The following THSD7A variants were observed in gnomAD, a reference collection of about 807,000 sequenced individuals.
The protein encoded by THSD7A is thrombospondin type 1 domain containing 7A, also known as thrombospondin type-1 domain-containing protein 7A.
THSD7A carries 96 observed loss-of-function variants against 231.3 expected under a neutral mutation model. The ratio of observed to expected loss-of-function variants is 0.41; its 90% confidence interval spans 0.35 to 0.49. THSD7A has a LOEUF of 0.49. Among genes scored for constraint, THSD7A ranks in the 20% least tolerant of loss-of-function variants. The pLI, the probability that THSD7A is intolerant of heterozygous loss-of-function variation, is 0.05. For missense variants in THSD7A, 2,290 were observed against 2,070.2 expected (o/e 1.11, Z -2.06); for synonymous variants, 940 against 743.3 (o/e 1.26, Z -4.30).
In THSD7A at chr7:11,776,131, T is replaced by C. The variant is rs189157264; in HGVS notation, c.190+55626A>G. 8.9e-4 allele frequency among the ~76,000 whole-genome samples: 136 copies of C among 152,312 alleles called. 1 individual carries two copies. The highest frequency in any genetic ancestry group is 1.4e-3 in the Non-Finnish European group (98 of 68,026). ...TGGCCCAAGGGAGATGCACTTTCAA[T>C]GAAGCAAACTAAAAATGATTTCCTG... On this transcript the variant is annotated intron_variant, in intron 1 of 27. Transcript: ENST00000423059.
intron 26 of THSD7A, 155 bp downstream of exon 26, chr7:11,378,915 A>T (rs1181450459): frequency 5.9e-6 from 4 of 678,514 alleles, no homozygotes; most frequent in Admixed American, 3.0e-5. Context: ...TAATGATAGT[A>T]AAAAATTGAA....
chr7:11,543,254 C>A, intron 4 of THSD7A, 137 bp from the exon 5 acceptor site: 2 of 653,126 alleles, frequency 3.1e-6, no homozygotes, highest in East Asian at 2.9e-5. Context: ...TGCTTCTCAG[C>A]CACATCCTGA....
chr7:11,723,118 C>A (rs1781416897), intron 1 of THSD7A, among the ~76,000 whole-genome samples: 1 of 151,946 alleles, frequency 6.6e-6, no homozygotes, highest in Non-Finnish European at 1.5e-5. Context: ...AAATGTGGCA[C>A]ATATACACCA....
At chr7:11,775,232 T>A (rs1388497126) in intron 1 of THSD7A, among the ~76,000 whole-genome samples, 1 of 152,168 alleles carries the variant, frequency 6.6e-6, no homozygotes. Flanking sequence ...ATTGGAACCC[T>A]TGTGCTTTAC....
intron 23 of THSD7A, chr7:11,383,754 T>C (rs1333393630): frequency 6.6e-6 from 1 of 152,016 alleles, no homozygotes; most frequent in African/African-American, 2.4e-5. Flanking sequence ...AAGCTGCTTA[T>C]TTAAACATTT....
At chr7:11,569,236 G>C (rs950920098) in intron 4 of THSD7A, among the ~76,000 whole-genome samples, 1 of 152,160 alleles carries the variant, frequency 6.6e-6, no homozygotes, top group Non-Finnish European at 1.5e-5. Flanking sequence ...TCAACAGAGT[G>C]AAGAGACAAC....
intron 16 of THSD7A, among the ~76,000 whole-genome samples, chr7:11,422,721 C>G (rs753223051): frequency 6.6e-6 from 1 of 152,046 alleles, no homozygotes; most frequent in African/African-American, 2.4e-5. Flanking sequence ...AGCACCGTCT[C>G]GGCTCACTGC....
chr7:11,440,966 T>G (rs760475618), intron 13 of THSD7A, among the ~76,000 whole-genome samples: 3 of 152,108 alleles, frequency 2.0e-5, no homozygotes, highest in African/African-American at 7.2e-5. Context: ...AATGAAAAAG[T>G]CAATGGATGC....
chr7:11,427,901 C>A (rs1784370212), intron 14 of THSD7A, among the ~76,000 whole-genome samples: 1 of 152,066 alleles, frequency 6.6e-6, no homozygotes, highest in Non-Finnish European at 1.5e-5. Flanking sequence ...CTCCATTGCA[C>A]ATAAAGATAA....
chr7:11,778,199 T>G (rs1177934128), intron 1 of THSD7A, among the ~76,000 whole-genome samples: 1 of 146,916 alleles, frequency 6.8e-6, no homozygotes, highest in African/African-American at 2.5e-5. Context: ...TCCTATGTAC[T>G]AGAAACATGA....
chr7:11,737,697 T>C (rs1004425549), intron 1 of THSD7A, among the ~76,000 whole-genome samples: 1 of 152,046 alleles, frequency 6.6e-6, no homozygotes, highest in African/African-American at 2.4e-5. Flanking sequence ...TTTGGGGCTA[T>C]ATATTATAGT....
intron 4 of THSD7A, among the ~76,000 whole-genome samples, chr7:11,571,803 C>A (rs1046663237): frequency 2.0e-5 from 3 of 149,750 alleles, no homozygotes; most frequent in Non-Finnish European, 4.5e-5. Flanking sequence ...TGTATTGTAT[C>A]TTTTTTTTTT....
chr7:11,535,682 A>G (rs1583925003), intron 6 of THSD7A, among the ~76,000 whole-genome samples: 1 of 152,224 alleles, frequency 6.6e-6, no homozygotes, highest in South Asian at 2.1e-4. Context: ...CGATTCAGTT[A>G]TAGGATGGAT....
In THSD7A at chr7:11,372,387, A is replaced by C. The variant is rs1306113328; in HGVS notation, c.*3407T>G. On this transcript the variant is annotated 3_prime_UTR_variant, in exon 28 of 28. Coordinates refer to ENST00000423059, the MANE Select transcript of THSD7A (RefSeq NM_015204.3). ...AGCAGAATGTCTTATATGTCAATAA[A>C]TATTTGCCTTGTTAGAAGTAATTTG... 6.6e-6 allele frequency: 1 copy of C among 151,276 alleles called. No homozygotes were observed. The highest frequency in any genetic ancestry group is 1.5e-5 in the Non-Finnish European group (1 of 67,890). 9.4% of individuals were successfully genotyped at this position (151,276 alleles called of 1,614,324 possible).
intron 1 of THSD7A, among the ~76,000 whole-genome samples, chr7:11,819,327 G>C (rs928682304): frequency 4.6e-5 from 7 of 152,090 alleles, no homozygotes; most frequent in African/African-American, 1.7e-4. Context: ...ATGCTCCTTG[G>C]TATTTACGCA....
chr7:11,481,989 A>T lies in THSD7A; in HGVS notation c.1823-7T>A, dbSNP rs1481416954. ...TGTCTGTCAACTTCTTCTCCTGGGG[A>T]AAACATGACCACCAACAGCTATTAT... On this transcript the variant is annotated splice_region_variant and splice_polypyrimidine_tract_variant and intron_variant, in intron 6 of 27. Coordinates refer to ENST00000423059, the MANE Select transcript of THSD7A (RefSeq NM_015204.3). The T allele has an allele frequency of 3.8e-6, 6 of 1,587,108 alleles. No individual in the cohort carries two copies. In the East Asian group the frequency reaches 1.4e-4, roughly 36 times the overall value.
In THSD7A at chr7:11,637,716, G is replaced by A. The variant is rs980763737; in HGVS notation, c.191-755C>T. ...ATTTATTTATTCATTTCTTAAACAT[G>A]AACTATTTGGTATTACAGAGCTGTT... On this transcript the variant is annotated intron_variant, in intron 1 of 27. Transcript: ENST00000423059. This position sits in a 1 kb window ranked among gnomAD's most constrained non-coding sequence, Gnocchi z 4.2. Among the ~76,000 whole-genome samples, 1 of 152,056 alleles carries A rather than the reference G, an allele frequency of 6.6e-6. No homozygotes were observed. The highest frequency in any genetic ancestry group is 2.4e-5 in the African/African-American group (1 of 41,392).
intron 16 of THSD7A, among the ~76,000 whole-genome samples, chr7:11,420,293 G>C (rs999775669): frequency 1.3e-5 from 2 of 152,158 alleles, no homozygotes; most frequent in African/African-American, 4.8e-5. Flanking sequence ...TGGTTTTGTG[G>C]GCCAGGCTCA....
At chr7:11,742,310 A>C (rs1166785107) in intron 1 of THSD7A, among the ~76,000 whole-genome samples, 1 of 151,980 alleles carries the variant, frequency 6.6e-6, no homozygotes, top group African/African-American at 2.4e-5. Context: ...CTAGTCATTT[A>C]AAATTTAATT....
Sources: gnomAD v4.1 joint callset for allele counts (sites outside exome capture counted in the v4.1 genomes callset) on GRCh38, gnomAD v4.1.1 for gene constraint, Gnocchi (gnomAD v3.1) non-coding constraint, MANE v1.5 for transcripts, NCBI Gene and HGNC (gene_info 2026-07-23, HGNC 2026-07-21) for gene names.